The following PRH1 variants were observed in gnomAD, a reference collection of about 807,000 sequenced individuals.
The protein encoded by PRH1 is proline rich protein HaeIII subfamily 1, also known as salivary acidic proline-rich phosphoprotein 1/2.
Under a neutral mutation model 7.9 loss-of-function variants are expected in PRH1, and 7 were observed. The observed-to-expected ratio is 0.89, with a 90% CI of 0.50 to 1.67. PRH1 has a LOEUF of 1.67. Ranked by LOEUF, PRH1 falls within the 40% of genes most tolerant of loss-of-function variation. The pLI, the probability that PRH1 is intolerant of heterozygous loss-of-function variation, is 0.00. For synonymous variants in PRH1, 45 were observed against 80.8 expected (o/e 0.56, Z 2.38); for missense variants, 109 against 223.6 (o/e 0.49, Z 3.27).
chr12:10,910,362 C>T (rs10772385), intron 2 of PRH1, among the ~76,000 whole-genome samples: 74,045 of 152,126 alleles, frequency 0.49, 20,654 homozygotes, highest in East Asian at 0.72. Flanking sequence ...TGGCTCATCC[C>T]TGTAATCCTA....
At chr12:11,000,577 G>C (rs1454265929) in intron 1 of PRH1, among the ~76,000 whole-genome samples, 3 of 152,006 alleles carry the variant, frequency 2.0e-5, no homozygotes, top group Non-Finnish European at 4.4e-5. Context: ...TCTGACCTTT[G>C]ATGGTTACTA....
chr12:11,009,587 T>C (rs957769977), intron 1 of PRH1, among the ~76,000 whole-genome samples: 4 of 151,936 alleles, frequency 2.6e-5, no homozygotes, highest in African/African-American at 9.7e-5. Context: ...TTGTTAGTAC[T>C]CTAGCCATGA....
chr12:11,146,300 G>T (rs1946858245), intron 1 of PRH1, among the ~76,000 whole-genome samples: 1 of 151,272 alleles, frequency 6.6e-6, no homozygotes. Context: ...GTGTTTCCCA[G>T]GCCCTTAGCA....
chr12:11,132,894 G>A (rs1179996321), intron 1 of PRH1: 1 of 168,768 alleles, frequency 5.9e-6, no homozygotes, highest in Non-Finnish European at 1.3e-5. Flanking sequence ...TGGTATATTT[G>A]TGTCATTCAA....
intron 1 of PRH1, chr12:11,092,118 T>A: frequency 6.8e-7 from 1 of 1,480,034 alleles, no homozygotes; most frequent in East Asian, 2.2e-5. Flanking sequence ...ATCTTTTGTC[T>A]CTTGAACCAC....
At chr12:11,103,633 C>T (rs941358335) in intron 1 of PRH1, among the ~76,000 whole-genome samples, 1 of 151,828 alleles carries the variant, frequency 6.6e-6, no homozygotes, top group East Asian at 1.9e-4. Flanking sequence ...CACATGTATC[C>T]ATATGTAACA....
chr12:11,036,820 T>C (rs928162685), intron 1 of PRH1, among the ~76,000 whole-genome samples: 24 of 152,190 alleles, frequency 1.6e-4, no homozygotes, highest in African/African-American at 4.8e-4. Flanking sequence ...CTTCATGATA[T>C]AGATGAAGAT....
intron 2 of PRH1, among the ~76,000 whole-genome samples, chr12:10,911,710 G>C (rs1042720633): frequency 6.6e-6 from 1 of 152,048 alleles, no homozygotes; most frequent in African/African-American, 2.4e-5. Context: ...CATTTGTTTA[G>C]AAATATTTCT....
chr12:11,012,309 G>A (rs1263780403), intron 1 of PRH1, among the ~76,000 whole-genome samples: 2 of 152,042 alleles, frequency 1.3e-5, no homozygotes, highest in Non-Finnish European at 2.9e-5. Flanking sequence ...AGTCTGCCAG[G>A]ACAGGAAGCC....
chr12:11,161,380 A>C (rs531092292), intron 1 of PRH1, among the ~76,000 whole-genome samples: 1 of 152,354 alleles, frequency 6.6e-6, no homozygotes, highest in Admixed American at 6.5e-5. Flanking sequence ...ATTTGTTTAG[A>C]GGATTTGGAT....
At chr12:11,039,388 CA>C (rs1378498659) in intron 1 of PRH1, among the ~76,000 whole-genome samples, 1 of 152,186 alleles carries the variant, frequency 6.6e-6, no homozygotes, top group Non-Finnish European at 1.5e-5. Context: ...TGATAATTTC[CA>C]AAACAGCTCA....
At chr12:11,013,999 A>G (rs1166048182) in intron 1 of PRH1, among the ~76,000 whole-genome samples, 1 of 152,234 alleles carries the variant, frequency 6.6e-6, no homozygotes, top group East Asian at 1.9e-4. Context: ...AAGGTGCTCA[A>G]TTACAGGCTT....
intron 1 of PRH1, chr12:11,062,376 T>A (rs1384958565): frequency 7.1e-7 from 1 of 1,410,662 alleles, no homozygotes; most frequent in Non-Finnish European, 9.5e-7. Context: ...GACCTTAAAT[T>A]CTATATGCAC....
intron 1 of PRH1, chr12:10,986,792 G>A (rs1565524182): frequency 6.3e-7 from 1 of 1,581,750 alleles, no homozygotes; most frequent in Non-Finnish European, 8.5e-7. Flanking sequence ...TGAAGCCATT[G>A]GCAAAGTTTC....
Position 11,066,645 on chromosome 12 carries a change from AGAT to A in PRH1, n.124-19460_124-19458del, listed in dbSNP as rs1388184359. 5.6e-5 allele frequency among the ~76,000 whole-genome samples: 6 copies of A among 107,946 alleles called. No individual in the cohort carries two copies. The East Asian group carries it at 1.2e-3, about 22-fold the overall frequency. 70.8% of individuals were successfully genotyped at this position (107,946 alleles called of 152,430 possible). Reference sequence around the variant, plus strand: ...CATTTAATGAGATAGATGTATATATAGATGATGATGATAATAATTATGGCAGGT... The same window carrying A: ...CATTTAATGAGATAGATGTATATATAGATGATGATAATAATTATGGCAGGT... On this transcript the variant is annotated intron_variant and non_coding_transcript_variant, in intron 1 of 4. Coordinates refer to the PRH1 transcript ENST00000541977.
At chr12:11,070,563 T>C (rs1944021068) in intron 1 of PRH1, among the ~76,000 whole-genome samples, 1 of 152,192 alleles carries the variant, frequency 6.6e-6, no homozygotes, top group Non-Finnish European at 1.5e-5. Flanking sequence ...CTTCCTTTCT[T>C]TCCTGCTCTC....
chr12:11,096,791 T>G (rs1945078450), intron 1 of PRH1, among the ~76,000 whole-genome samples: 1 of 110,842 alleles, frequency 9.0e-6, no homozygotes, highest in African/African-American at 3.0e-5. Flanking sequence ...GGTTTTTGTT[T>G]TTTTTGTTGT....
chr12:11,106,463 A>T (rs1218365611), intron 1 of PRH1, among the ~76,000 whole-genome samples: 3 of 152,132 alleles, frequency 2.0e-5, no homozygotes, highest in Non-Finnish European at 4.4e-5. Flanking sequence ...CCTTTGACTA[A>T]GTTTTTCTCT....
At chr12:11,109,857 G>A (rs539894048) in intron 1 of PRH1, among the ~76,000 whole-genome samples, 20 of 152,144 alleles carry the variant, frequency 1.3e-4, no homozygotes, top group Non-Finnish European at 4.4e-5. Context: ...CAGAAGGTGG[G>A]TAATAAACTC....
Sources: gnomAD v4.1 joint callset for allele counts (sites outside exome capture counted in the v4.1 genomes callset) on GRCh38, gnomAD v4.1.1 for gene constraint, MANE v1.5 for transcripts, NCBI Gene and HGNC (gene_info 2026-07-23, HGNC 2026-07-21) for gene names.